Variants in CPNE8 observed in about 807,000 individuals in gnomAD.
CPNE8 encodes copine-8.
A neutral mutation model predicts 81.5 loss-of-function variants in CPNE8; 45 were observed. The ratio of observed to expected loss-of-function variants is 0.55; its 90% CI spans 0.44 to 0.71. The LOEUF (loss-of-function observed/expected upper bound fraction) is 0.71, where lower values mean the gene tolerates loss of function less well. Among genes scored for constraint, CPNE8 ranks in the 30% least tolerant of loss-of-function variants. The pLI is 0.00. For synonymous variants in CPNE8, 252 were observed against 226.3 expected, an observed-to-expected ratio of 1.11 and a Z score of -1.02; for missense variants, 594 against 672.1, an observed-to-expected ratio of 0.88 and a Z score of 1.28.
chr12:38,685,754 T>C, intron 15 of CPNE8, 137 bp from the exon 16 acceptor site: 1 of 748,134 alleles, frequency 1.3e-6, no homozygotes, highest in Non-Finnish European at 2.1e-6. Flanking sequence ...AAATTTACAA[T>C]AGCAAAAAAA....
chr12:38,786,163 A>G (rs1942181498), intron 6 of CPNE8, among the ~76,000 whole-genome samples: 1 of 152,228 alleles, frequency 6.6e-6, no homozygotes, highest in Non-Finnish European at 1.5e-5. Flanking sequence ...TGCCTAGAAG[A>G]AACACACTTA....
chr12:38,780,400 G>A (rs1282209234), intron 6 of CPNE8, among the ~76,000 whole-genome samples: 1 of 152,122 alleles, frequency 6.6e-6, no homozygotes, highest in African/African-American at 2.4e-5. Context: ...TCCAGTAGAA[G>A]AAGGAATAAA....
intron 4 of CPNE8, among the ~76,000 whole-genome samples, chr12:38,843,806 G>C (rs193061474): frequency 6.6e-6 from 1 of 151,990 alleles, no homozygotes; most frequent in Admixed American, 6.6e-5. Flanking sequence ...TCCCAACACC[G>C]CCTACCTTTT....
At chr12:38,854,565 A>T (rs935138519) in intron 3 of CPNE8, among the ~76,000 whole-genome samples, 2 of 152,016 alleles carry the variant, frequency 1.3e-5, no homozygotes, top group Non-Finnish European at 2.9e-5. Context: ...CATTAAAAGA[A>T]TAATTTATCG....
intron 8 of CPNE8, among the ~76,000 whole-genome samples, chr12:38,763,239 C>T: frequency 6.6e-6 from 1 of 152,170 alleles, no homozygotes; most frequent in East Asian, 1.9e-4. Context: ...GCCAGACAGT[C>T]ATTCTGCAAG....
chr12:38,776,142 G>T, intron 7 of CPNE8, 96 bp downstream of exon 7: 3 of 526,838 alleles, frequency 5.7e-6, no homozygotes, highest in Non-Finnish European at 9.7e-6. Context: ...TAACACTTTT[G>T]CTACAATTAC....
chr12:38,785,729 T>C (rs1942168732), intron 6 of CPNE8, among the ~76,000 whole-genome samples: 1 of 152,104 alleles, frequency 6.6e-6, no homozygotes, highest in Non-Finnish European at 1.5e-5. Flanking sequence ...AGAAGACATA[T>C]ATAGACACAA....
intron 6 of CPNE8, among the ~76,000 whole-genome samples, chr12:38,822,425 C>T (rs924373527): frequency 5.3e-5 from 8 of 151,932 alleles, no homozygotes; most frequent in African/African-American, 9.7e-5. Context: ...TAGCTAAACA[C>T]GTCTCTAAGA....
chr12:38,757,544 T>A (rs919054519), intron 10 of CPNE8, among the ~76,000 whole-genome samples: 1 of 152,024 alleles, frequency 6.6e-6, no homozygotes, highest in African/African-American at 2.4e-5. Flanking sequence ...TCAAATTTCA[T>A]ACATAAGACA....
At chr12:38,799,454 C>T (rs1360628909) in intron 6 of CPNE8, among the ~76,000 whole-genome samples, 1 of 151,970 alleles carries the variant, frequency 6.6e-6, no homozygotes, top group African/African-American at 2.4e-5. Flanking sequence ...CTACTGGGTA[C>T]ATAAGGAAAT....
intron 6 of CPNE8, among the ~76,000 whole-genome samples, chr12:38,820,247 A>C (rs1034868649): frequency 2.0e-5 from 3 of 151,900 alleles, no homozygotes; most frequent in African/African-American, 7.3e-5. Context: ...TCTACTAAAA[A>C]TACAAAAATT....
At chr12:38,673,828 G>T (rs1939231667) in intron 18 of CPNE8, among the ~76,000 whole-genome samples, 1 of 151,492 alleles carries the variant, frequency 6.6e-6, no homozygotes, top group African/African-American at 2.4e-5. Context: ...ATTTGGAGCA[G>T]CACTATCCTG....
chr12:38,823,720 T>C (rs1378491541), intron 6 of CPNE8, among the ~76,000 whole-genome samples: 1 of 152,154 alleles, frequency 6.6e-6, no homozygotes, highest in Non-Finnish European at 1.5e-5. Flanking sequence ...AGGAACATAA[T>C]AAATATTTTC....
intron 6 of CPNE8, among the ~76,000 whole-genome samples, chr12:38,795,208 T>C (rs1484044647): frequency 1.3e-5 from 2 of 152,212 alleles, no homozygotes; most frequent in African/African-American, 4.8e-5. Flanking sequence ...ATCGTGCAAC[T>C]TCACCTTGTG....
At chr12:38,881,917 G>T (rs1241998401) in intron 1 of CPNE8, among the ~76,000 whole-genome samples, 13 of 151,988 alleles carry the variant, frequency 8.6e-5, no homozygotes, top group Admixed American at 8.5e-4. Flanking sequence ...AGAAAAAAAA[G>T]AGACTGAGAG....
intron 6 of CPNE8, among the ~76,000 whole-genome samples, chr12:38,811,521 A>T (rs527397675): frequency 2.0e-5 from 3 of 152,294 alleles, no homozygotes; most frequent in Admixed American, 6.5e-5. Context: ...TAAGAAACAT[A>T]AAAAAAGTCA....
intron 8 of CPNE8, among the ~76,000 whole-genome samples, chr12:38,765,906 T>G (rs1291688249): frequency 6.6e-6 from 1 of 152,086 alleles, no homozygotes; most frequent in Non-Finnish European, 1.5e-5. Context: ...TTGCCCAGGC[T>G]AGAGTGCAAT....
intron 15 of CPNE8, among the ~76,000 whole-genome samples, chr12:38,692,877 A>G (rs1374390923): frequency 6.6e-6 from 1 of 152,184 alleles, no homozygotes; most frequent in Non-Finnish European, 1.5e-5. Context: ...ATGTTGCAGA[A>G]ATAACATTTT....
At chr12:38,791,926 G>A (rs1187243228) in intron 6 of CPNE8, among the ~76,000 whole-genome samples, 1 of 150,742 alleles carries the variant, frequency 6.6e-6, no homozygotes, top group African/African-American at 2.4e-5. Context: ...ATCAACAGCA[G>A]AGGAAAACTG....
Sources: gnomAD v4.1 joint callset for allele counts (sites outside exome capture counted in the v4.1 genomes callset) on GRCh38, gnomAD v4.1.1 for gene constraint, MANE v1.5 for transcripts, NCBI Gene and HGNC (gene_info 2026-07-23, HGNC 2026-07-21) for gene names.